RFX8: variants seen among roughly 807,000 people sequenced by gnomAD.
The protein encoded by RFX8 is regulatory factor X8, also known as DNA-binding protein RFX8.
In RFX8, 46 loss-of-function variants were observed where a neutral mutation model predicts 54.6. The ratio of observed to expected loss-of-function variants is 0.84; its 90% confidence interval spans 0.67 to 1.08. The LOEUF (loss-of-function observed/expected upper bound fraction) is 1.08, where lower values mean the gene tolerates loss of function less well. RFX8 is among the 50% of genes least tolerant of loss of function. RFX8 has a pLI of 0.00. For synonymous variants in RFX8, 192 were observed against 209.5 expected (o/e 0.92, Z 0.72); for missense variants, 536 against 562.3 (o/e 0.95, Z 0.47).
intron 2 of RFX8, chr2:101,450,601 AC>A: frequency 6.8e-7 from 1 of 1,478,750 alleles, no homozygotes; most frequent in Non-Finnish European, 9.1e-7. Flanking sequence ...AACCTGTGAT[AC>A]CTTTTTTCAC....
At chr2:101,406,094 T>A in intron 9 of RFX8, 37 bp from the exon 10 acceptor site, 1 of 1,244,654 alleles carries the variant, frequency 8.0e-7, no homozygotes, top group Non-Finnish European at 1.1e-6. Context: ...CTGCAGTTTG[T>A]AATAAAATCA....
Position 101,418,748 on chromosome 2 carries a change from A to T in RFX8, c.351+103T>A, listed in dbSNP as rs1686683613. On this transcript the variant is annotated intron_variant, in intron 5 of 11. Coordinates refer to ENST00000428343, the MANE Select transcript of RFX8 (RefSeq NM_001145664.2). ...ATACACCCCACTATTCACTCCTCAG[A>T]GGACCATGGAGACTGCAGAGAGGTG... 9.6e-6 allele frequency: 7 copies of T among 732,258 alleles called. No homozygotes were observed. In the South Asian group the frequency reaches 1.0e-4, roughly 11 times the overall value. 45.4% of individuals were successfully genotyped at this position (732,258 alleles called of 1,614,324 possible). A position where few individuals can be genotyped will look rare whatever the true frequency, so the allele number is the denominator to read the frequency against.
intron 1 of RFX8, chr2:101,474,327 G>C (rs1690185640): frequency 2.2e-6 from 1 of 462,800 alleles, no homozygotes; most frequent in Non-Finnish European, 3.8e-6. Context: ...GGCGGCCGTG[G>C]GCGGCGCTGG....
intron 1 of RFX8, among the ~76,000 whole-genome samples, chr2:101,469,046 A>ATATATACGTATATATATATAAG (rs1558896353): frequency 3.9e-5 from 2 of 51,472 alleles, no homozygotes; most frequent in African/African-American, 1.4e-4. Flanking sequence ...ATATATGTAT[A>ATATATACGTATATATATATAAG]TATATATACG....
chr2:101,432,500 A>T (rs1345217965), intron 2 of RFX8, among the ~76,000 whole-genome samples: 1 of 152,184 alleles, frequency 6.6e-6, no homozygotes, highest in Non-Finnish European at 1.5e-5. Flanking sequence ...ACCAGGGTGC[A>T]GTTCCCAATA....
chr2:101,474,064 C>A lies in RFX8; in HGVS notation c.-53+572G>T, dbSNP rs1573509801. ...CCTCCGCGCTGCGGCGGGCGAGCAT[C>A]AGAAAGCGCTGGGCCTGGGGCCGCT... On this transcript the variant is annotated intron_variant, in intron 1 of 11. Transcript: ENST00000428343. 5 of 476,026 alleles carry A rather than the reference C, an allele frequency of 1.1e-5. No individual in the cohort carries two copies. The East Asian group carries it at 1.8e-4, about 17-fold the overall frequency. The allele number at this position is 476,026 out of a possible 1,614,324, so 29.5% of individuals were successfully genotyped here. A position where few individuals can be genotyped will look rare whatever the true frequency, so the allele number is the denominator to read the frequency against.
At chr2:101,435,102 TTCTGCTCCGCCG>T (rs1687702019) in intron 2 of RFX8, 2 of 152,446 alleles carry the variant, frequency 1.3e-5, no homozygotes, top group South Asian at 4.1e-4. Flanking sequence ...CCTCTCCCTC[TTCTGCTCCGCCG>T]TCTGCACAGC....
chr2:101,419,276 G>A (rs1435897362), intron 4 of RFX8, among the ~76,000 whole-genome samples: 1 of 152,152 alleles, frequency 6.6e-6, no homozygotes, highest in Non-Finnish European at 1.5e-5. Flanking sequence ...TGAGGACTGG[G>A]CCACAGGGCA....
rs1685529057 is a variant in RFX8, at chr2:101,402,884, A to G, written c.929-132T>C. 3.6e-6 allele frequency: 3 copies of G among 829,072 alleles called. No homozygotes were observed. The Admixed American group carries it at 8.6e-5, about 24-fold the overall frequency. 51.4% of individuals were successfully genotyped at this position (829,072 alleles called of 1,614,324 possible). A position where few individuals can be genotyped will look rare whatever the true frequency, so the allele number is the denominator to read the frequency against. The stretch of plus-strand genomic sequence containing the variant: ...CTCGTTCCAATAGCTTACCCAGAAG[A>G]GGCCTGGGTCGGCCTCTTACGTAGC... On this transcript the variant is annotated intron_variant, in intron 10 of 11. Transcript: ENST00000428343.
chr2:101,422,363 A>G lies in RFX8; in HGVS notation c.182T>C (p.Met61Thr), dbSNP rs368931215. ...ATCTCCCCATGAGTGCAAACCTACC[A>G]TATTACAGGAGTATTTCTTTGCCTG... ...QEQAKKYSCN[M>T]MAFLADEYCN... Residue 61 changes from methionine (M) to threonine (T), a missense_variant and splice_region_variant, in exon 3 of 12, where the codon ATG becomes ACG. Transcript: ENST00000428343. 4.3e-5 allele frequency: 63 copies of G among 1,456,942 alleles called. No individual in the cohort carries two copies. Among genetic ancestry groups the G allele is most frequent in the Middle Eastern group, 1.7e-4 (1 of 5,836 alleles). 90.3% of individuals were successfully genotyped at this position (1,456,942 alleles called of 1,614,324 possible).
chr2:101,433,559 G>A (rs1687610949), intron 2 of RFX8, among the ~76,000 whole-genome samples: 1 of 152,104 alleles, frequency 6.6e-6, no homozygotes. Context: ...AGCTTAATAT[G>A]CTTTTTGGCA....
chr2:101,403,877 T>A (rs757930901), intron 10 of RFX8, among the ~76,000 whole-genome samples: 3 of 152,256 alleles, frequency 2.0e-5, no homozygotes, highest in Non-Finnish European at 4.4e-5. Flanking sequence ...ATCAGTAAGA[T>A]GTTGCCACTG....
At chr2:101,428,910 G>T in intron 2 of RFX8, 1 of 1,165,084 alleles carries the variant, frequency 8.6e-7, no homozygotes, top group Non-Finnish European at 1.2e-6. Flanking sequence ...CACTGGTATT[G>T]CTAGGTCTGG....
chr2:101,397,748 G>C, intron 11 of RFX8, 24 bp from the exon 12 acceptor site: 1 of 1,528,904 alleles, frequency 6.5e-7, no homozygotes, highest in Non-Finnish European at 8.8e-7. Context: ...ATGTTTTAAG[G>C]GAAAAGATAA....
chr2:101,437,283 A>G (rs965353802), intron 2 of RFX8, among the ~76,000 whole-genome samples: 1 of 151,986 alleles, frequency 6.6e-6, no homozygotes, highest in Non-Finnish European at 1.5e-5. Context: ...CAAAAAAAAT[A>G]AAAATAATTA....
chr2:101,411,135 C>T (rs541475305), intron 8 of RFX8, among the ~76,000 whole-genome samples: 17 of 152,324 alleles, frequency 1.1e-4, no homozygotes, highest in African/African-American at 3.6e-4. Context: ...AGAGGGTGAG[C>T]GCCTTGCCTG....
At chr2:101,426,442 C>T (rs1365055363) in intron 2 of RFX8, among the ~76,000 whole-genome samples, 1 of 152,120 alleles carries the variant, frequency 6.6e-6, no homozygotes, top group East Asian at 1.9e-4. Context: ...TGGCTTGAGC[C>T]TAGAAGTTGG....
chr2:101,413,905 G>A (rs748683957), intron 7 of RFX8, among the ~76,000 whole-genome samples: 1 of 152,106 alleles, frequency 6.6e-6, no homozygotes, highest in Non-Finnish European at 1.5e-5. Flanking sequence ...GGCCCAGCTC[G>A]GGGTCATGGA....
At chr2:101,398,524 TC>T (rs1261879210) in intron 11 of RFX8, among the ~76,000 whole-genome samples, 1 of 151,898 alleles carries the variant, frequency 6.6e-6, no homozygotes, top group Non-Finnish European at 1.5e-5. Context: ...AGGCTCTCCT[TC>T]CCCCATCCGT....
Sources: gnomAD v4.1 joint callset for allele counts (sites outside exome capture counted in the v4.1 genomes callset) on GRCh38, gnomAD v4.1.1 for gene constraint, MANE v1.5 for transcripts, NCBI Gene and HGNC (gene_info 2026-07-23, HGNC 2026-07-21) for gene names.